Variants in DPP6 observed in about 807,000 individuals in gnomAD.
DPP6 encodes A-type potassium channel modulatory protein DPP6.
DPP6 carries 69 observed loss-of-function variants against 122.6 expected under a neutral mutation model. That is an observed-to-expected ratio of 0.56 (90% CI 0.46 to 0.69). The LOEUF (loss-of-function observed/expected upper bound fraction) is 0.69. Among genes scored for constraint, DPP6 ranks in the 30% least tolerant of loss-of-function variants. The pLI is 0.00. For missense variants in DPP6, 928 were observed against 1,116.9 expected (o/e 0.83, Z 2.41); for synonymous variants, 418 against 433.1 (o/e 0.97, Z 0.43).
At chr7:154,586,055 G>A (rs970699953) in intron 5 of DPP6, among the ~76,000 whole-genome samples, 8 of 152,058 alleles carry the variant, frequency 5.3e-5, no homozygotes, top group African/African-American at 1.9e-4. Flanking sequence ...TGGTCCACCT[G>A]GAGCACAGTA....
At position 154,481,571 on chromosome 7, in the gene DPP6, C is replaced by T. The variant is rs1823307528; in HGVS notation, c.457+6534C>T. On this transcript the variant is annotated intron_variant, in intron 3 of 25. Transcript: ENST00000377770. This position sits in a 1 kb window ranked among gnomAD's most constrained non-coding sequence, Gnocchi z 4.2. ...AGACTCTACATGATCTGTTTACTCT[C>T]CTGACTCATCATTGGCCATCTCCCC... is the stretch of plus-strand genomic sequence containing the variant. Among the ~76,000 whole-genome samples, 1 of 151,642 alleles carries T rather than the reference C, an allele frequency of 6.6e-6. No homozygotes were observed. Among genetic ancestry groups the T allele is most frequent in the African/African-American group, 2.4e-5 (1 of 41,230 alleles).
In DPP6 at chr7:154,540,560, A is replaced by G. The variant is rs1456502138; in HGVS notation, c.486A>G (p.Lys162=). 2 of 1,609,188 alleles carry G rather than the reference A, an allele frequency of 1.2e-6. No individual in the cohort carries two copies. The highest frequency in any genetic ancestry group is 1.7e-6 in the Non-Finnish European group (2 of 1,177,748). ...SDTEFIYREQ[K]GTVRLWNVET... ...CAGAATTCATCTACAGAGAACAGAA[A>G]GGAACAGTGAGACTGTGGAATGTTG... is the stretch of plus-strand genomic sequence containing the variant. The change falls in exon 4 of 26, where the codon AAA becomes AAG. Residue 162 remains lysine, a synonymous_variant. Coordinates refer to ENST00000377770, the MANE Select transcript of DPP6 (RefSeq NM_130797.4).
intron 16 of DPP6, among the ~76,000 whole-genome samples, chr7:154,827,464 C>T (rs1800249787): frequency 6.6e-6 from 1 of 152,114 alleles, no homozygotes; most frequent in Non-Finnish European, 1.5e-5. Context: ...GAGGTGGAGG[C>T]ATCTGCCCGC....
chr7:154,349,203 T>C (rs1427999182), intron 1 of DPP6, among the ~76,000 whole-genome samples: 1 of 152,202 alleles, frequency 6.6e-6, no homozygotes, highest in Non-Finnish European at 1.5e-5. Context: ...TGAGACGGAG[T>C]CTCGCTCTGT....
intron 1 of DPP6, among the ~76,000 whole-genome samples, chr7:153,940,357 C>T (rs370746402): frequency 2.6e-5 from 4 of 152,226 alleles, no homozygotes; most frequent in South Asian, 4.1e-4. Flanking sequence ...CACGCCGCAA[C>T]TTAAGTGTTG....
chr7:154,687,542 G>C (rs1474345846), intron 7 of DPP6, among the ~76,000 whole-genome samples: 1 of 151,906 alleles, frequency 6.6e-6, no homozygotes, highest in Admixed American at 6.6e-5. Context: ...TTTCCTTCGG[G>C]TTGTTTGCCC....
At position 154,015,605 on chromosome 7, in the gene DPP6, C is replaced by G. The variant is rs544297842; in HGVS notation, c.51+127871C>G. On this transcript the variant is annotated intron_variant, in intron 1 of 25. Transcript: ENST00000404039. ...AATGGCACCACCACCAACCCAGGTGCTCAAGCCACAAGCCCTGGAGTTGTC... is the reference window on the plus strand; with the variant it reads ...AATGGCACCACCACCAACCCAGGTGGTCAAGCCACAAGCCCTGGAGTTGTC... Among the ~76,000 whole-genome samples the G allele has an allele frequency of 2.4e-4, 36 of 152,258 alleles. No homozygotes were observed. In the South Asian group the frequency reaches 6.0e-3, roughly 25 times the overall value.
At chr7:153,895,728 GCACACACACACACACA>G (rs10599371) in intron 1 of DPP6, among the ~76,000 whole-genome samples, 2 of 149,832 alleles carry the variant, frequency 1.3e-5, no homozygotes, top group East Asian at 2.0e-4. Context: ...GTGCATGCGT[GCACACACACACACACA>G]CACACACACA....
intron 8 of DPP6, among the ~76,000 whole-genome samples, chr7:154,737,106 G>C: frequency 6.6e-6 from 1 of 152,216 alleles, no homozygotes; most frequent in African/African-American, 2.4e-5. Flanking sequence ...CTAAATTCAT[G>C]CTAAGTCATA....
rs1316949441 is a variant in DPP6 at position 154,446,433 on chromosome 7, T to C, written c.358+105T>C. ...AACTACCTATTACATAATTTATTTT[T>C]CCCAAGTTCTAATTCTCACTATGCC... is the stretch of plus-strand genomic sequence containing the variant. On this transcript the variant is annotated intron_variant, in intron 2 of 25. Coordinates refer to ENST00000377770, the MANE Select transcript of DPP6 (RefSeq NM_130797.4). The C allele has an allele frequency of 2.0e-5, 13 of 662,570 alleles. No individual in the cohort carries two copies. In the East Asian group the frequency reaches 3.8e-4, roughly 20 times the overall value. The allele number at this position is 662,570 out of a possible 1,614,324, so 41.0% of individuals were successfully genotyped here. A position where few individuals can be genotyped will look rare whatever the true frequency, so the allele number is the denominator to read the frequency against.
intron 1 of DPP6, among the ~76,000 whole-genome samples, chr7:153,974,277 A>T (rs1327482375): frequency 6.6e-6 from 1 of 152,148 alleles, no homozygotes; most frequent in African/African-American, 2.4e-5. Flanking sequence ...TGTGTGGCAG[A>T]TGCCCGGCAA....
intron 17 of DPP6, among the ~76,000 whole-genome samples, chr7:154,864,086 G>T (rs1156652811): frequency 6.6e-6 from 1 of 152,182 alleles, no homozygotes; most frequent in Non-Finnish European, 1.5e-5. Flanking sequence ...CCCAGGCAGG[G>T]GAAGTCAGGC....
chr7:154,477,640 A>G (rs967277349), intron 3 of DPP6, among the ~76,000 whole-genome samples: 1 of 152,160 alleles, frequency 6.6e-6, no homozygotes. Context: ...GAGCAAATGA[A>G]TGGAGTCTGC....
chr7:154,595,803 G>A (rs1237090907), intron 5 of DPP6, among the ~76,000 whole-genome samples: 1 of 152,252 alleles, frequency 6.6e-6, no homozygotes, highest in East Asian at 1.9e-4. Context: ...GCTCACGCCT[G>A]TAATCCCAGT....
intron 5 of DPP6, among the ~76,000 whole-genome samples, chr7:154,567,176 C>CT (rs1830813444): frequency 6.6e-6 from 1 of 152,122 alleles, no homozygotes; most frequent in African/African-American, 2.4e-5. Context: ...GAACTTGTCT[C>CT]TTCATAGACA....
At chr7:154,879,570 G>C (rs1174425013) in intron 20 of DPP6, among the ~76,000 whole-genome samples, 2 of 81,522 alleles carry the variant, frequency 2.5e-5, no homozygotes, top group Non-Finnish European at 2.1e-5. Flanking sequence ...CAGCCTGGGC[G>C]ACAGCGAGAC....
intron 5 of DPP6, among the ~76,000 whole-genome samples, chr7:154,597,628 T>C (rs1311306244): frequency 6.8e-6 from 1 of 147,312 alleles, no homozygotes; most frequent in Non-Finnish European, 1.5e-5. Context: ...AAAAATTGAG[T>C]AGTATATTAC....
chr7:153,918,514 A>G (rs1263508121), intron 1 of DPP6, among the ~76,000 whole-genome samples: 2 of 93,998 alleles, frequency 2.1e-5, no homozygotes, highest in Non-Finnish European at 4.7e-5. Context: ...CAAAAAGAAG[A>G]GGTAATTAAA....
At chr7:154,575,567 G>A (rs1831589941) in intron 5 of DPP6, among the ~76,000 whole-genome samples, 1 of 99,062 alleles carries the variant, frequency 1.0e-5, no homozygotes, top group Non-Finnish European at 1.8e-5. Context: ...ATTTGTGTGT[G>A]GTATATGTGT....
Sources: gnomAD v4.1 joint callset for allele counts (sites outside exome capture counted in the v4.1 genomes callset) on GRCh38, gnomAD v4.1.1 for gene constraint, Gnocchi (gnomAD v3.1) non-coding constraint, MANE v1.5 for transcripts, NCBI Gene and HGNC (gene_info 2026-07-23, HGNC 2026-07-21) for gene names.